Variants in PHLPP1 observed in about 807,000 individuals in gnomAD.
The protein encoded by PHLPP1 is PH domain and leucine rich repeat protein phosphatase 1, also known as PH domain leucine-rich repeat-containing protein phosphatase 1.
Under a neutral mutation model 117.2 loss-of-function variants are expected in PHLPP1, and 42 were observed. The observed-to-expected ratio is 0.36, with a 90% CI of 0.28 to 0.46. PHLPP1 has a LOEUF of 0.46. Ranked by LOEUF, PHLPP1 falls within the 20% of genes least tolerant of loss-of-function variation. The pLI, the probability that PHLPP1 is intolerant of heterozygous loss-of-function variation, is 1.00. For missense variants in PHLPP1, 2,084 were observed against 2,241.9 expected, an observed-to-expected ratio of 0.93 and a Z score of 1.42; for synonymous variants, 1,042 against 970.7, an observed-to-expected ratio of 1.07 and a Z score of -1.37.
At chr18:62,760,914 C>T (rs1426349706) in intron 1 of PHLPP1, among the ~76,000 whole-genome samples, 2 of 152,160 alleles carry the variant, frequency 1.3e-5, no homozygotes, top group Non-Finnish European at 2.9e-5. Flanking sequence ...GGCGGGAGTG[C>T]AGTGGCACAG....
chr18:62,738,654 A>G (rs1911436852), intron 1 of PHLPP1, among the ~76,000 whole-genome samples: 1 of 152,222 alleles, frequency 6.6e-6, no homozygotes, highest in Non-Finnish European at 1.5e-5. Flanking sequence ...ATATATTCCT[A>G]TGATAAAGTT....
chr18:62,828,861 A>C (rs1009060001), intron 1 of PHLPP1, among the ~76,000 whole-genome samples: 2 of 152,214 alleles, frequency 1.3e-5, no homozygotes, highest in African/African-American at 4.8e-5. Context: ...TATAGTACAT[A>C]TATCTCTTAT....
intron 1 of PHLPP1, among the ~76,000 whole-genome samples, chr18:62,742,167 A>G (rs1911548617): frequency 6.6e-6 from 1 of 152,148 alleles, no homozygotes; most frequent in Non-Finnish European, 1.5e-5. Context: ...TCATTTCCTA[A>G]CTTTTTATCT....
intron 2 of PHLPP1, among the ~76,000 whole-genome samples, chr18:62,834,128 C>T (rs1033979443): frequency 2.0e-5 from 3 of 152,136 alleles, no homozygotes; most frequent in African/African-American, 7.2e-5. Context: ...TCTTTTGTCA[C>T]ACAGTTGTTC....
chr18:62,811,225 T>A (rs1429894277), intron 1 of PHLPP1, among the ~76,000 whole-genome samples: 1 of 152,164 alleles, frequency 6.6e-6, no homozygotes, highest in Non-Finnish European at 1.5e-5. Context: ...TAACATTAAA[T>A]AGGGATCTGG....
Position 62,830,224 on chromosome 18 carries a change from G to T in PHLPP1, c.1766G>T (p.Gly589Val). The T allele has an allele frequency of 6.4e-7, 1 of 1,553,714 alleles. No individual in the cohort carries two copies. Among genetic ancestry groups the T allele is most frequent in the Non-Finnish European group, 8.7e-7 (1 of 1,147,830 alleles). Residue 589 changes from glycine (G) to valine (V), a missense_variant, in exon 2 of 17, where the codon GGT becomes GTT. Coordinates refer to ENST00000262719, the MANE Select transcript of PHLPP1 (RefSeq NM_194449.4). ...AAGATGCATGTTCTGCCACTAATTG[G>T]TGGAAAAGTAAGTTTGTTTGTTTGT... The part of the protein sequence containing the change: ...TGKMHVLPLI[G>V]GKVEEVKKHQ...
chr18:62,765,483 T>G (rs1912439745), intron 1 of PHLPP1, among the ~76,000 whole-genome samples: 1 of 152,224 alleles, frequency 6.6e-6, no homozygotes, highest in Non-Finnish European at 1.5e-5. Context: ...GTGCATGCAT[T>G]GGTACCTTTA....
At chr18:62,938,994 C>CTTTCTTT (rs368316862) in intron 10 of PHLPP1, among the ~76,000 whole-genome samples, 3,599 of 128,432 alleles carry the variant, frequency 0.028, 242 homozygotes, top group African/African-American at 0.098. Context: ...TTCTTTCTTT[C>CTTTCTTT]TTTTTTTTTT....
intron 11 of PHLPP1, among the ~76,000 whole-genome samples, chr18:62,943,089 C>T (rs1268421784): frequency 6.6e-6 from 1 of 152,126 alleles, no homozygotes; most frequent in East Asian, 1.9e-4. Context: ...AATGTCTAAA[C>T]CCTGCAGAGG....
intron 14 of PHLPP1, among the ~76,000 whole-genome samples, chr18:62,965,878 A>G (rs1910887969): frequency 6.6e-6 from 1 of 150,562 alleles, no homozygotes; most frequent in Non-Finnish European, 1.5e-5. Flanking sequence ...ACGTTACTGT[A>G]TTTTTTTTTC....
intron 3 of PHLPP1, among the ~76,000 whole-genome samples, chr18:62,851,606 G>A (rs569174795): frequency 6.6e-6 from 1 of 152,176 alleles, no homozygotes; most frequent in East Asian, 1.9e-4. Flanking sequence ...GATTACAGGT[G>A]TGCGCCACCA....
chr18:62,809,563 G>T (rs185575545), intron 1 of PHLPP1, among the ~76,000 whole-genome samples: 3 of 152,218 alleles, frequency 2.0e-5, no homozygotes, highest in South Asian at 2.1e-4. Flanking sequence ...TTAGCTGGGC[G>T]TGGTGGTGGG....
At chr18:62,841,709 T>C (rs554817117) in intron 3 of PHLPP1, among the ~76,000 whole-genome samples, 277 of 152,322 alleles carry the variant, frequency 1.8e-3, no homozygotes, top group African/African-American at 6.5e-3. Flanking sequence ...CTGAAATGCC[T>C]TGCAGTTGTA....
At chr18:62,818,198 G>A (rs1444376701) in intron 1 of PHLPP1, among the ~76,000 whole-genome samples, 1 of 151,838 alleles carries the variant, frequency 6.6e-6, no homozygotes, top group Non-Finnish European at 1.5e-5. Flanking sequence ...AGATCATTCT[G>A]AAAGAAAAAA....
At chr18:62,728,305 A>AAT (rs1555666464) in intron 1 of PHLPP1, among the ~76,000 whole-genome samples, 2 of 151,692 alleles carry the variant, frequency 1.3e-5, no homozygotes, top group African/African-American at 4.9e-5. Context: ...AAAAAAAAAA[A>AAT]ATATTTTTTT....
At chr18:62,883,347 A>G (rs990358457) in intron 4 of PHLPP1, among the ~76,000 whole-genome samples, 7 of 152,346 alleles carry the variant, frequency 4.6e-5, no homozygotes, top group African/African-American at 1.4e-4. Context: ...GTATTCAGGG[A>G]ATGCCTGCAA....
chr18:62,869,925 T>C (rs1200937197), intron 4 of PHLPP1, among the ~76,000 whole-genome samples: 3 of 152,204 alleles, frequency 2.0e-5, no homozygotes, highest in African/African-American at 7.2e-5. Flanking sequence ...TCTTGCTCTG[T>C]CGCCCAGGCT....
intron 1 of PHLPP1, among the ~76,000 whole-genome samples, chr18:62,756,750 G>A (rs559427994): frequency 6.6e-6 from 1 of 152,312 alleles, no homozygotes; most frequent in African/African-American, 2.4e-5. Flanking sequence ...TCAGTGGGAG[G>A]AATTGTAATA....
chr18:62,919,858 A>G (rs1909408522), intron 9 of PHLPP1, 101 bp from the exon 10 acceptor site: 2 of 775,096 alleles, frequency 2.6e-6, no homozygotes, highest in Non-Finnish European at 2.1e-6. Flanking sequence ...TATTAAAATG[A>G]ATTTGTAGTT....
Sources: gnomAD v4.1 joint callset for allele counts (sites outside exome capture counted in the v4.1 genomes callset) on GRCh38, gnomAD v4.1.1 for gene constraint, MANE v1.5 for transcripts, NCBI Gene and HGNC (gene_info 2026-07-23, HGNC 2026-07-21) for gene names.